Variants in PSMF1 observed in about 807,000 individuals in gnomAD.
PSMF1 encodes proteasome inhibitor subunit 1.
A neutral mutation model predicts 29.3 loss-of-function variants in PSMF1; 30 were observed. The observed-to-expected ratio is 1.02, with a 90% CI of 0.77 to 1.39. The LOEUF (loss-of-function observed/expected upper bound fraction) is 1.39. Among genes scored for constraint, PSMF1 ranks in the 40% most tolerant of loss-of-function variants. The probability of loss-of-function intolerance (pLI) is 0.00; values close to 1 mark genes in which losing one functional copy is unlikely to be tolerated. For synonymous variants in PSMF1, 134 were observed against 139.7 expected (o/e 0.96, Z 0.29); for missense variants, 344 against 357.5 (o/e 0.96, Z 0.31).
At chr20:1,158,198 A>G (rs1003570060) in intron 4 of PSMF1, among the ~76,000 whole-genome samples, 2 of 149,104 alleles carry the variant, frequency 1.3e-5, no homozygotes, top group East Asian at 2.2e-4. Context: ...GTGGATGTCA[A>G]TCTTTTAAAA....
At chr20:1,129,159 G>C (rs377211435) in intron 3 of PSMF1, among the ~76,000 whole-genome samples, 1 of 152,038 alleles carries the variant, frequency 6.6e-6, no homozygotes, top group Non-Finnish European at 1.5e-5. Context: ...GATTACAGGC[G>C]TGAGCCACTG....
intron 2 of PSMF1, among the ~76,000 whole-genome samples, chr20:1,126,813 A>C (rs1437735368): frequency 1.3e-5 from 2 of 152,168 alleles, no homozygotes; most frequent in African/African-American, 4.8e-5. Context: ...CAAGAGGCAG[A>C]GTTTGCTGTG....
chr20:1,118,450 C>T (rs899405634), upstream of PSMF1: 7 of 246,854 alleles, frequency 2.8e-5, no homozygotes, highest in African/African-American at 1.1e-4. Flanking sequence ...GTGCCCGCGT[C>T]AGGCGATCCT....
rs566321559 is a variant in PSMF1 at position 1,164,854 on chromosome 20, A to AGCG, written c.765-173_765-171dup. 1.5e-4 allele frequency among the ~76,000 whole-genome samples: 23 copies of AGCG among 152,298 alleles called. No homozygotes were observed. In the South Asian group the frequency reaches 3.9e-3, roughly 26 times the overall value. On this transcript the variant is annotated intron_variant, in intron 6 of 6. Coordinates refer to ENST00000335877, the MANE Select transcript of PSMF1 (RefSeq NM_006814.5). The surrounding 1 kb of genome is among the most constrained non-coding windows in gnomAD (Gnocchi z 4.1). Reference sequence around the variant, plus strand: ...CTGAAAGATTAGGTAACTTATACCAAGCGGGGGAGTCAGGATTCAAACCCC... The same window carrying AGCG: ...CTGAAAGATTAGGTAACTTATACCAAGCGGCGGGGGAGTCAGGATTCAAACCCC...
upstream of PSMF1, among the ~76,000 whole-genome samples, chr20:1,115,431 AC>A (rs1433660411): frequency 6.6e-6 from 1 of 152,264 alleles, no homozygotes; most frequent in Non-Finnish European, 1.5e-5. Context: ...AAAGGCAGTA[AC>A]AAAACAGACC....
intron 4 of PSMF1, chr20:1,160,884 C>T: frequency 2.2e-6 from 1 of 449,782 alleles, no homozygotes; most frequent in Non-Finnish European, 4.5e-6. Context: ...TGGAGGAGCA[C>T]CTGGTGCTGC....
rs1202976879 is a variant in PSMF1, at chr20:1,171,269, A to G, written c.*6189A>G. Among the ~76,000 whole-genome samples the G allele has an allele frequency of 6.6e-6, 1 of 151,986 alleles. No homozygotes were observed. Among genetic ancestry groups the G allele is most frequent in the East Asian group, 1.9e-4 (1 of 5,174 alleles). Reference sequence around the variant, plus strand: ...AGGAGCATCTGAAACCACCTGCACAACCTCCATTCCACAGAGGAAGAAACA... The same window carrying G: ...AGGAGCATCTGAAACCACCTGCACAGCCTCCATTCCACAGAGGAAGAAACA... On this transcript the variant is annotated 3_prime_UTR_variant, in exon 7 of 7. Transcript: ENST00000335877.
intron 3 of PSMF1, among the ~76,000 whole-genome samples, chr20:1,129,229 G>C (rs6040031): frequency 0.97 from 147,761 of 152,222 alleles, 71,724 homozygotes; most frequent in Middle Eastern, 1. Flanking sequence ...CCAGGCTGGT[G>C]TCGAACTCCT....
At chr20:1,130,288 C>A (rs1285572378) in intron 3 of PSMF1, among the ~76,000 whole-genome samples, 1 of 152,166 alleles carries the variant, frequency 6.6e-6, no homozygotes, top group Non-Finnish European at 1.5e-5. Flanking sequence ...CTTAACAGTA[C>A]TGAACACTTA....
rs774058348 is a variant in PSMF1, at chr20:1,164,292, T to C, written c.606-26T>C. 2 of 1,601,654 alleles carry C rather than the reference T, an allele frequency of 1.2e-6. No individual in the cohort carries two copies. Among genetic ancestry groups the C allele is most frequent in the Non-Finnish European group, 1.7e-6 (2 of 1,168,734 alleles). ...CAAGGGCAGTCCTTGCCACACCTGC[T>C]TACCTAACTTTTCTTCTTGCCTCAG... On this transcript the variant is annotated intron_variant, in intron 5 of 6. Coordinates refer to ENST00000335877, the MANE Select transcript of PSMF1 (RefSeq NM_006814.5). The surrounding 1 kb of genome is among the most constrained non-coding windows in gnomAD (Gnocchi z 4.1).
chr20:1,118,696 C>T lies in PSMF1; in HGVS notation c.-78C>T, dbSNP rs45556531. 37,353 of 1,486,186 alleles carry T rather than the reference C, an allele frequency of 0.025. 625 individuals are homozygous for T. The highest frequency in any genetic ancestry group is 0.031 in the Non-Finnish European group (33,884 of 1,095,232). 92.1% of individuals were successfully genotyped at this position (1,486,186 alleles called of 1,614,324 possible). ...GCGCAAGAGGGAAGCAGAGTTATAG[C>T]TACCCCGGCCGCGGAGCCGGCTCAC... On this transcript the variant is annotated 5_prime_UTR_variant, in exon 1 of 7. Transcript: ENST00000335877.
chr20:1,152,164 G>A (rs2086539609), intron 4 of PSMF1, among the ~76,000 whole-genome samples: 1 of 152,150 alleles, frequency 6.6e-6, no homozygotes, highest in African/African-American at 2.4e-5. Flanking sequence ...TGTGGGCTGA[G>A]CAGTTACATT....
chr20:1,131,756 G>A (rs902718283), intron 3 of PSMF1, among the ~76,000 whole-genome samples: 2 of 152,138 alleles, frequency 1.3e-5, no homozygotes, highest in South Asian at 2.1e-4. Context: ...TTTCTGTGTC[G>A]GATGAGATGG....
At chr20:1,137,871 T>G (rs1023729568) in intron 4 of PSMF1, among the ~76,000 whole-genome samples, 7 of 152,196 alleles carry the variant, frequency 4.6e-5, no homozygotes, top group Non-Finnish European at 1.0e-4. Context: ...TATTTAAAGG[T>G]GAATGATATG....
intron 4 of PSMF1, among the ~76,000 whole-genome samples, chr20:1,151,573 A>G (rs2086531204): frequency 6.6e-6 from 1 of 152,200 alleles, no homozygotes; most frequent in Non-Finnish European, 1.5e-5. Flanking sequence ...GCCCAAATCA[A>G]TCTAAGTGTC....
At chr20:1,130,543 C>A (rs2086215378) in intron 3 of PSMF1, among the ~76,000 whole-genome samples, 1 of 152,240 alleles carries the variant, frequency 6.6e-6, no homozygotes, top group Admixed American at 6.5e-5. Flanking sequence ...TAGCCAACTC[C>A]TGTTTATCTT....
chr20:1,162,882 A>ATTAATATTTTAAAATATTAATAC (rs1243193493), intron 4 of PSMF1, among the ~76,000 whole-genome samples: 1 of 152,220 alleles, frequency 6.6e-6, no homozygotes, highest in Non-Finnish European at 1.5e-5. Context: ...GGTTACCAAT[A>ATTAATATTTTAAAATATTAATAC]TTAATATTTT....
chr20:1,130,844 G>T (rs1027018421), intron 3 of PSMF1, among the ~76,000 whole-genome samples: 5 of 152,220 alleles, frequency 3.3e-5, no homozygotes, highest in African/African-American at 1.2e-4. Context: ...GGTCTTTGCT[G>T]TGTTGCCCTG....
At chr20:1,123,332 C>T (rs942658629) in intron 1 of PSMF1, among the ~76,000 whole-genome samples, 4 of 152,148 alleles carry the variant, frequency 2.6e-5, no homozygotes, top group Non-Finnish European at 5.9e-5. Flanking sequence ...TTTGTCTTTT[C>T]CATTTTCTTC....
Sources: allele counts gnomAD v4.1 joint callset (sites outside exome capture counted in the v4.1 genomes callset), GRCh38; gene constraint gnomAD v4.1.1; non-coding constraint Gnocchi (gnomAD v3.1); transcripts MANE v1.5; gene names NCBI Gene and HGNC (gene_info 2026-07-23, HGNC 2026-07-21).